The following C2orf49 variants were observed in gnomAD, a reference collection of about 807,000 sequenced individuals.
C2orf49 encodes tRNA-splicing ligase complex subunit ASW.
A neutral mutation model predicts 20.6 loss-of-function variants in C2orf49; 11 were observed. That is an observed-to-expected ratio of 0.53 (90% CI 0.34 to 0.88). The LOEUF (loss-of-function observed/expected upper bound fraction) is 0.88. C2orf49 is among the 40% of genes least tolerant of loss of function. The pLI is 0.02. For missense variants in C2orf49, 289 were observed against 274.2 expected (o/e 1.05, Z -0.38); for synonymous variants, 134 against 108.5 (o/e 1.24, Z -1.46).
rs1039430889 is a variant in C2orf49, at chr2:105,345,986, A to C, written c.*615A>C. 2.2e-4 allele frequency: 33 copies of C among 152,056 alleles called. No individual in the cohort carries two copies. The highest frequency in any genetic ancestry group is 8.0e-4 in the African/African-American group (33 of 41,358). 9.4% of individuals were successfully genotyped at this position (152,056 alleles called of 1,614,324 possible). On this transcript the variant is annotated 3_prime_UTR_variant, in exon 4 of 4. Transcript: ENST00000258457. The stretch of plus-strand genomic sequence containing the variant: ...CTCAAAAAAAAAAAAGCATTCAGTG[A>C]ATTTTCGGAGTTACTCTCATTAGCC...
chr2:105,376,655 C>A, the C2orf49 span: 4 of 152,158 alleles, frequency 2.6e-5, no homozygotes, highest in African/African-American at 9.7e-5. Flanking sequence ...AGCAATTGTA[C>A]TTTTGGATAT....
At chr2:105,372,233 CTT>C in the C2orf49 span, among the ~76,000 whole-genome samples, 1 of 150,986 alleles carries the variant, frequency 6.6e-6, no homozygotes, top group Non-Finnish European at 1.5e-5. Flanking sequence ...ACATAACTTT[CTT>C]TTTTTTTTGA....
At chr2:105,361,191 G>A in the C2orf49 span, 15 of 1,347,422 alleles carry the variant, frequency 1.1e-5, no homozygotes, top group Non-Finnish European at 1.5e-5. Flanking sequence ...CAATGTGGCT[G>A]GAAGAAACCA....
the C2orf49 span, among the ~76,000 whole-genome samples, chr2:105,379,396 A>T: frequency 6.6e-6 from 1 of 152,196 alleles, no homozygotes; most frequent in Non-Finnish European, 1.5e-5. Context: ...AATATCTGCC[A>T]CCTTAAAGCT....
chr2:105,379,331 C>A, the C2orf49 span, among the ~76,000 whole-genome samples: 1 of 152,182 alleles, frequency 6.6e-6, no homozygotes, highest in East Asian at 1.9e-4. Context: ...AGAGTTGCCT[C>A]AATGTGTCAC....
chr2:105,361,761 T>G, the C2orf49 span, among the ~76,000 whole-genome samples: 1 of 152,234 alleles, frequency 6.6e-6, no homozygotes, highest in East Asian at 1.9e-4. Context: ...CTCTTATGTC[T>G]TCACTAGGTG....
the C2orf49 span, chr2:105,359,372 CAA>C: frequency 3.3e-5 from 5 of 152,144 alleles, no homozygotes; most frequent in African/African-American, 2.4e-5. Context: ...AGCAAAACCT[CAA>C]GTCAACTATA....
the C2orf49 span, among the ~76,000 whole-genome samples, chr2:105,380,813 G>C: frequency 6.6e-6 from 1 of 152,088 alleles, no homozygotes; most frequent in East Asian, 1.9e-4. Flanking sequence ...ATACTTCCCA[G>C]AAAAAAATAC....
At chr2:105,344,170 C>A (rs2576768) in intron 3 of C2orf49, among the ~76,000 whole-genome samples, 21,046 of 152,098 alleles carry the variant, frequency 0.14, 1,813 homozygotes, top group South Asian at 0.25. Flanking sequence ...ATAAGTTTGT[C>A]CAGAATTCCA....
the C2orf49 span, among the ~76,000 whole-genome samples, chr2:105,381,872 T>C: frequency 0.73 from 110,212 of 151,822 alleles, 40,381 homozygotes; most frequent in Admixed American, 0.8. Flanking sequence ...CTGGAGTAGG[T>C]GCTCTTCCCA....
chr2:105,347,234 A>G lies in C2orf49; in HGVS notation c.*1863A>G, dbSNP rs1440673875. On this transcript the variant is annotated 3_prime_UTR_variant, in exon 4 of 4. Transcript: ENST00000258457. ...ATTGTTATCTGCAGGGCTGACAGAC[A>G]TAATGTTGGTGGGCAACTGTGATCC... is the stretch of plus-strand genomic sequence containing the variant. 1 of 152,228 alleles carries G rather than the reference A, an allele frequency of 6.6e-6. No homozygotes were observed. The highest frequency in any genetic ancestry group is 1.5e-5 in the Non-Finnish European group (1 of 68,028). 9.4% of individuals were successfully genotyped at this position (152,228 alleles called of 1,614,324 possible). A position where few individuals can be genotyped will look rare whatever the true frequency, so the allele number is the denominator to read the frequency against.
In C2orf49 at chr2:105,345,603, A is replaced by G; in HGVS notation, c.*232A>G. The G allele has an allele frequency of 1.8e-6, 1 of 543,352 alleles. No homozygotes were observed. Among genetic ancestry groups the G allele is most frequent in the Non-Finnish European group, 3.3e-6 (1 of 306,084 alleles). The allele number at this position is 543,352 out of a possible 1,614,324, so 33.7% of individuals were successfully genotyped here. Reference sequence around the variant, plus strand: ...TAGGAAAGAATATCTTTTTAAACCAATGGCTTAGTATATGTCATTTATATT... The same window carrying G: ...TAGGAAAGAATATCTTTTTAAACCAGTGGCTTAGTATATGTCATTTATATT... On this transcript the variant is annotated 3_prime_UTR_variant, in exon 4 of 4. Coordinates refer to ENST00000258457, the MANE Select transcript of C2orf49 (RefSeq NM_024093.3).
the C2orf49 span, among the ~76,000 whole-genome samples, chr2:105,381,518 G>A: frequency 6.6e-6 from 1 of 152,126 alleles, no homozygotes; most frequent in African/African-American, 2.4e-5. Context: ...CGAGGTCACT[G>A]CTGAGCGCTG....
chr2:105,340,247 T>G, intron 2 of C2orf49, among the ~76,000 whole-genome samples: 1 of 152,200 alleles, frequency 6.6e-6, no homozygotes, highest in East Asian at 1.9e-4. Flanking sequence ...TGTAAGTCAT[T>G]GTAAGGACTT....
chr2:105,351,824 GGC>G (rs1679943446), downstream of C2orf49, among the ~76,000 whole-genome samples: 1 of 152,142 alleles, frequency 6.6e-6, no homozygotes, highest in African/African-American at 2.4e-5. Context: ...ATTGTTTTTA[GGC>G]CTCCTCAACT....
At chr2:105,384,953 A>T in the C2orf49 span, among the ~76,000 whole-genome samples, 1 of 152,248 alleles carries the variant, frequency 6.6e-6, no homozygotes, top group Non-Finnish European at 1.5e-5. Flanking sequence ...TGTTAAATAC[A>T]TGAAAAGGGA....
chr2:105,343,739 G>A (rs544836766), intron 3 of C2orf49, among the ~76,000 whole-genome samples: 1 of 152,206 alleles, frequency 6.6e-6, no homozygotes, highest in East Asian at 1.9e-4. Flanking sequence ...AGCAGAAGTT[G>A]GGGAAATCTA....
chr2:105,358,657 T>G, the C2orf49 span: 3 of 152,222 alleles, frequency 2.0e-5, no homozygotes, highest in Non-Finnish European at 4.4e-5. Flanking sequence ...TGTATGCTTC[T>G]GGGGAAATTT....
chr2:105,367,550 CA>C, the C2orf49 span: 1 of 1,601,318 alleles, frequency 6.2e-7, no homozygotes, highest in Admixed American at 1.7e-5. Flanking sequence ...GTGCAAGGGC[CA>C]AGGGGGCATC....
Sources: allele counts gnomAD v4.1 joint callset (sites outside exome capture counted in the v4.1 genomes callset), GRCh38; gene constraint gnomAD v4.1.1; transcripts MANE v1.5; gene names NCBI Gene and HGNC (gene_info 2026-07-23, HGNC 2026-07-21).